The following MYRIP variants were observed in gnomAD, a reference collection of about 807,000 sequenced individuals.
MYRIP encodes myosin VIIA and Rab interacting protein, also known as rab effector MyRIP.
In MYRIP, 49 loss-of-function variants were observed where a neutral mutation model predicts 98.0. That is an observed-to-expected ratio of 0.50 (90% CI 0.40 to 0.63). MYRIP has a LOEUF of 0.63. Among genes scored for constraint, MYRIP ranks in the 30% least tolerant of loss-of-function variants. The pLI is 0.00. For missense variants in MYRIP, 1,004 were observed against 1,058.2 expected, an observed-to-expected ratio of 0.95 and a Z score of 0.71; for synonymous variants, 404 against 409.5, an observed-to-expected ratio of 0.99 and a Z score of 0.16.
chr3:40,218,612 T>TTTATATATATA (rs1337574787), intron 11 of MYRIP, among the ~76,000 whole-genome samples: 15 of 13,556 alleles, frequency 1.1e-3, no homozygotes, highest in South Asian at 2.8e-3. Context: ...TATATATATT[T>TTTATATATATA]TATATATATA....
chr3:40,012,045 G>T (rs1173760195), intron 2 of MYRIP, among the ~76,000 whole-genome samples: 1 of 152,076 alleles, frequency 6.6e-6, no homozygotes, highest in African/African-American at 2.4e-5. Context: ...TTGAAACCCG[G>T]ATTTACAGAT....
intron 1 of MYRIP, among the ~76,000 whole-genome samples, chr3:39,883,742 A>G (rs1229242441): frequency 1.3e-5 from 2 of 152,090 alleles, no homozygotes; most frequent in Non-Finnish European, 2.9e-5. Flanking sequence ...AATAAATAAA[A>G]AAAGAATTTC....
At chr3:40,023,881 G>T (rs1947060915) in intron 2 of MYRIP, among the ~76,000 whole-genome samples, 1 of 152,146 alleles carries the variant, frequency 6.6e-6, no homozygotes, top group African/African-American at 2.4e-5. Flanking sequence ...TGTAGTGTGT[G>T]CCCATTTTCA....
chr3:39,810,651 G>C (rs1940650874), intron 1 of MYRIP: 1 of 152,306 alleles, frequency 6.6e-6, no homozygotes, highest in South Asian at 2.1e-4. Flanking sequence ...GGAACCCCAA[G>C]ACCTGCGGCT....
intron 4 of MYRIP, 61 bp from the exon 5 acceptor site, chr3:40,162,669 G>A: frequency 7.0e-7 from 1 of 1,425,778 alleles, no homozygotes; most frequent in Non-Finnish European, 9.9e-7. Flanking sequence ...CAGTGCATCA[G>A]GGTTCACTGA....
At chr3:39,852,538 A>ACCCCCCC (rs1942160562) in intron 1 of MYRIP, among the ~76,000 whole-genome samples, 1 of 146,610 alleles carries the variant, frequency 6.8e-6, no homozygotes, top group African/African-American at 2.6e-5. Context: ...TCATCACCCC[A>ACCCCCCC]CTCCCCCCTT....
At chr3:39,954,977 AAAG>A (rs1460006028) in intron 2 of MYRIP, among the ~76,000 whole-genome samples, 1 of 152,190 alleles carries the variant, frequency 6.6e-6, no homozygotes, top group African/African-American at 2.4e-5. Flanking sequence ...TTAGAAAAAA[AAAG>A]AGAGAAAAGA....
intron 8 of MYRIP, among the ~76,000 whole-genome samples, chr3:40,181,744 T>C (rs1002204603): frequency 2.0e-5 from 3 of 152,196 alleles, no homozygotes; most frequent in African/African-American, 7.2e-5. Flanking sequence ...CTGCCACTTA[T>C]CCTTAGGTTA....
chr3:40,183,596 C>T (rs552765750), intron 9 of MYRIP, among the ~76,000 whole-genome samples: 5 of 152,314 alleles, frequency 3.3e-5, no homozygotes, highest in African/African-American at 9.6e-5. Context: ...AGGGGGCCTC[C>T]TGGTCTACAT....
chr3:40,079,217 A>G (rs1013090496), intron 3 of MYRIP, among the ~76,000 whole-genome samples: 1 of 152,238 alleles, frequency 6.6e-6, no homozygotes, highest in African/African-American at 2.4e-5. Flanking sequence ...TAGACACTTG[A>G]GAGTAAAAGG....
chr3:39,811,399 G>T (rs1037323721), intron 1 of MYRIP, among the ~76,000 whole-genome samples: 1 of 152,168 alleles, frequency 6.6e-6, no homozygotes. Flanking sequence ...ATGGTTCAAG[G>T]CATCTGGGTC....
rs1279473003 is a variant in MYRIP at position 39,995,997 on chromosome 3, C to T, written c.111-48053C>T. 4.6e-5 allele frequency among the ~76,000 whole-genome samples: 7 copies of T among 152,254 alleles called. No homozygotes were observed. The South Asian group carries it at 8.3e-4, about 18-fold the overall frequency. On this transcript the variant is annotated intron_variant, in intron 2 of 16. Coordinates refer to ENST00000302541, the MANE Select transcript of MYRIP (RefSeq NM_015460.4). ...AAGCAAATGCTGAGAGATTCTGTCA[C>T]CACCAGGCCTGCCATACAAGAGCTC...
At chr3:39,860,106 A>G (rs929573586) in intron 1 of MYRIP, among the ~76,000 whole-genome samples, 1 of 152,208 alleles carries the variant, frequency 6.6e-6, no homozygotes, top group Non-Finnish European at 1.5e-5. Flanking sequence ...AGAAAACTCT[A>G]AAGACTCCAC....
intron 2 of MYRIP, among the ~76,000 whole-genome samples, chr3:40,007,032 A>G (rs980698288): frequency 6.6e-6 from 1 of 152,194 alleles, no homozygotes; most frequent in African/African-American, 2.4e-5. Context: ...CTAAGTGATC[A>G]TTGCATGTGT....
At chr3:39,995,433 A>G (rs1396747292) in intron 2 of MYRIP, among the ~76,000 whole-genome samples, 2 of 152,224 alleles carry the variant, frequency 1.3e-5, no homozygotes, top group African/African-American at 4.8e-5. Context: ...AAGAAAGGGT[A>G]TCAGTGATGG....
chr3:40,095,079 G>A (rs1293579631), intron 3 of MYRIP, among the ~76,000 whole-genome samples: 1 of 152,178 alleles, frequency 6.6e-6, no homozygotes, highest in African/African-American at 2.4e-5. Flanking sequence ...CTTAAAGCTG[G>A]GAGTGAGGTC....
intron 2 of MYRIP, among the ~76,000 whole-genome samples, chr3:40,006,105 C>A (rs1309131520): frequency 6.6e-6 from 1 of 152,136 alleles, no homozygotes; most frequent in Non-Finnish European, 1.5e-5. Context: ...AAAGAAGGTG[C>A]ATATGGTTAA....
At chr3:40,251,547 G>A (rs1196958002) in intron 15 of MYRIP, among the ~76,000 whole-genome samples, 1 of 152,168 alleles carries the variant, frequency 6.6e-6, no homozygotes, top group East Asian at 1.9e-4. Context: ...TTCAGGTCAG[G>A]TTTTATAATC....
chr3:39,987,020 G>A (rs992792481), intron 2 of MYRIP, among the ~76,000 whole-genome samples: 14 of 151,906 alleles, frequency 9.2e-5, no homozygotes, highest in African/African-American at 2.7e-4. Context: ...TTTAAGTTCC[G>A]GGGTACAGGT....
Sources: gnomAD v4.1 joint callset for allele counts (sites outside exome capture counted in the v4.1 genomes callset) on GRCh38, gnomAD v4.1.1 for gene constraint, MANE v1.5 for transcripts, NCBI Gene and HGNC (gene_info 2026-07-23, HGNC 2026-07-21) for gene names.